SLC43A2: variants seen among roughly 807,000 people sequenced by gnomAD.
SLC43A2 encodes the protein solute carrier family 43 member 2.
SLC43A2 carries 38 observed loss-of-function variants against 63.2 expected under a neutral mutation model. That is an observed-to-expected ratio of 0.60 (90% CI 0.46 to 0.79). SLC43A2 has a LOEUF of 0.79. SLC43A2 is among the 30% of genes least tolerant of loss of function. The pLI is 0.00. For missense variants in SLC43A2, 644 were observed against 756.2 expected, an observed-to-expected ratio of 0.85 and a Z score of 1.74; for synonymous variants, 322 against 331.0, an observed-to-expected ratio of 0.97 and a Z score of 0.30.
chr17:1,626,239 G>A (rs1435634832), intron 2 of SLC43A2, among the ~76,000 whole-genome samples: 5 of 150,324 alleles, frequency 3.3e-5, no homozygotes. Flanking sequence ...AAGCAGGAAG[G>A]GTCACGATCT....
rs1301657164 is a variant in SLC43A2, at chr17:1,575,365, C to CG, written c.*238dup. 13 of 564,090 alleles carry CG rather than the reference C, an allele frequency of 2.3e-5. No homozygotes were observed. Among genetic ancestry groups the CG allele is most frequent in the Non-Finnish European group, 3.1e-5 (10 of 322,626 alleles). 34.9% of individuals were successfully genotyped at this position (564,090 alleles called of 1,614,324 possible). A position where few individuals can be genotyped will look rare whatever the true frequency, so the allele number is the denominator to read the frequency against. On this transcript the variant is annotated 3_prime_UTR_variant, in exon 14 of 14. Transcript: ENST00000301335. ...ACAGAGACCCCAGGCCCCGGGTCCC[C>CG]GGGGGGCGGCAGAGCAAAGTCAGGG... is the stretch of plus-strand genomic sequence containing the variant.
At position 1,605,902 on chromosome 17, in the gene SLC43A2, C is replaced by T. The variant is rs1906569504; in HGVS notation, c.501+7293G>A. ...TCCCCTCCCCCGGCCACCTCCTGTG[C>T]CTTCCCGGCCGGGTCCAGTCCTGCC... On this transcript the variant is annotated intron_variant, in intron 5 of 13. Transcript: ENST00000301335. The surrounding 1 kb of genome is among the most constrained non-coding windows in gnomAD (Gnocchi z 4.9). Among the ~76,000 whole-genome samples, 1 of 152,160 alleles carries T rather than the reference C, an allele frequency of 6.6e-6. No individual in the cohort carries two copies. Among genetic ancestry groups the T allele is most frequent in the Non-Finnish European group, 1.5e-5 (1 of 68,008 alleles).
At chr17:1,596,865 G>A (rs1036397114) in intron 5 of SLC43A2, among the ~76,000 whole-genome samples, 51 of 152,310 alleles carry the variant, frequency 3.3e-4, no homozygotes, top group African/African-American at 1.2e-3. Context: ...ATTAATCATA[G>A]TGAAATTCAA....
Position 1,616,739 on chromosome 17 carries a change from G to A in SLC43A2, c.191C>T (p.Thr64Ile). Residue 64 changes from threonine to isoleucine, a missense_variant, in exon 3 of 14, where the codon ACA becomes ATA. Coordinates refer to ENST00000301335, the MANE Select transcript of SLC43A2 (RefSeq NM_152346.3). ...ENVTNGTVGG[T>I]AEPGHEEVSW... The stretch of plus-strand genomic sequence containing the variant: ...CACCTCCTCGTGCCCCGGCTCTGCT[G>A]TGCCGCCCACTGTGCCATTGGTGAC... 6.2e-7 allele frequency: 1 copy of A among 1,614,022 alleles called. No homozygotes were observed. The highest frequency in any genetic ancestry group is 2.2e-5 in the East Asian group (1 of 44,876).
At chr17:1,615,168 C>T (rs544492857) in intron 3 of SLC43A2, 134 bp from the exon 4 acceptor site, 91 of 1,014,654 alleles carry the variant, frequency 9.0e-5, no homozygotes, top group African/African-American at 7.5e-4. Context: ...AGTGCAGTGG[C>T]GCGATCTCGG....
chr17:1,617,996 C>T (rs1907831568), intron 2 of SLC43A2, among the ~76,000 whole-genome samples: 1 of 152,246 alleles, frequency 6.6e-6, no homozygotes, highest in African/African-American at 2.4e-5. Flanking sequence ...GACATGAGGT[C>T]ACGCTGGGAG....
chr17:1,595,722 G>A (rs1905229663), intron 5 of SLC43A2, among the ~76,000 whole-genome samples: 1 of 151,942 alleles, frequency 6.6e-6, no homozygotes, highest in Non-Finnish European at 1.5e-5. Context: ...TGGGATTACA[G>A]GCATCAGCCA....
intron 13 of SLC43A2, 79 bp downstream of exon 13, chr17:1,576,518 C>A: frequency 6.7e-7 from 1 of 1,500,542 alleles, no homozygotes; most frequent in Non-Finnish European, 8.9e-7. Context: ...GCCCTGAAGC[C>A]CCCGAGGGGG....
chr17:1,591,974 G>A (rs577354447), intron 6 of SLC43A2, among the ~76,000 whole-genome samples: 1 of 152,324 alleles, frequency 6.6e-6, no homozygotes, highest in African/African-American at 2.4e-5. Context: ...ACCACGGCAC[G>A]TCTTGCAGGC....
At chr17:1,600,153 T>TATATATA (rs1491178977) in intron 5 of SLC43A2, among the ~76,000 whole-genome samples, 470 of 38,152 alleles carry the variant, frequency 0.012, 5 homozygotes, top group South Asian at 0.037. Context: ...TATATATATA[T>TATATATA]TTTTTTTTTT....
In SLC43A2 at chr17:1,593,186, C is replaced by A. The variant is rs781148305; in HGVS notation, c.594+1G>T. Reference sequence around the variant, plus strand: ...CACCAGTGCAAAATACACGTGCTCACCTTGATTCCTGGAAAGGTGACTGCC... The same window carrying A: ...CACCAGTGCAAAATACACGTGCTCAACTTGATTCCTGGAAAGGTGACTGCC... On this transcript the variant is annotated splice_donor_variant, in intron 6 of 13. Coordinates refer to ENST00000301335, the MANE Select transcript of SLC43A2 (RefSeq NM_152346.3). LOFTEE classifies it high-confidence loss of function. This position sits in a 1 kb window ranked among gnomAD's most constrained non-coding sequence, Gnocchi z 5.3. 1 of 1,613,448 alleles carries A rather than the reference C, an allele frequency of 6.2e-7. No homozygotes were observed. The highest frequency in any genetic ancestry group is 1.1e-5 in the South Asian group (1 of 90,904).
In SLC43A2 at chr17:1,573,270, G is replaced by A. The variant is rs1374999067; in HGVS notation, c.*2334C>T. The A allele has an allele frequency of 6.6e-6, 1 of 152,070 alleles. No homozygotes were observed. Among genetic ancestry groups the A allele is most frequent in the African/African-American group, 2.4e-5 (1 of 41,378 alleles). The allele number at this position is 152,070 out of a possible 1,614,324, so 9.4% of individuals were successfully genotyped here. A position where few individuals can be genotyped will look rare whatever the true frequency, so the allele number is the denominator to read the frequency against. ...TCCGAATCTGCAACTCCTGTGTGATGGCGGGTCTCAAATGCTGGCAGCAGA... is the reference window on the plus strand; with the variant it reads ...TCCGAATCTGCAACTCCTGTGTGATAGCGGGTCTCAAATGCTGGCAGCAGA... On this transcript the variant is annotated 3_prime_UTR_variant, in exon 14 of 14. Transcript: ENST00000301335.
At chr17:1,609,681 C>T (rs1906921362) in intron 5 of SLC43A2, among the ~76,000 whole-genome samples, 1 of 151,968 alleles carries the variant, frequency 6.6e-6, no homozygotes, top group Admixed American at 6.6e-5. Context: ...TAGTTGGAAA[C>T]AGGTTGAATA....
intron 10 of SLC43A2, chr17:1,585,583 T>G: frequency 1.0e-6 from 1 of 977,724 alleles, no homozygotes; most frequent in Non-Finnish European, 1.4e-6. Context: ...GAGTGGGGGC[T>G]GGCCATGTTT....
chr17:1,583,516 C>T lies in SLC43A2; in HGVS notation c.1218-180G>A. 1 of 1,044,868 alleles carries T rather than the reference C, an allele frequency of 9.6e-7. No homozygotes were observed. The highest frequency in any genetic ancestry group is 1.3e-6 in the Non-Finnish European group (1 of 750,682). The allele number at this position is 1,044,868 out of a possible 1,614,324, so 64.7% of individuals were successfully genotyped here. A position where few individuals can be genotyped will look rare whatever the true frequency, so the allele number is the denominator to read the frequency against. On this transcript the variant is annotated intron_variant, in intron 10 of 13. Coordinates refer to ENST00000301335, the MANE Select transcript of SLC43A2 (RefSeq NM_152346.3). The surrounding 1 kb of genome is among the most constrained non-coding windows in gnomAD (Gnocchi z 5.5). ...GCACTACGGACACTCCCCGGCCCTT[C>T]TCAGTGGCAAGCTGAGTGTGACTCT...
At chr17:1,590,163 A>G (rs899855092) in intron 9 of SLC43A2, among the ~76,000 whole-genome samples, 1 of 152,214 alleles carries the variant, frequency 6.6e-6, no homozygotes, top group Admixed American at 6.6e-5. Flanking sequence ...GACTCAGCTC[A>G]GGCCCCGGGG....
rs367809460 is a variant in SLC43A2, at chr17:1,571,197, G to A, written c.*4407C>T. 7.2e-5 allele frequency: 11 copies of A among 152,340 alleles called. No individual in the cohort carries two copies. In the East Asian group the frequency reaches 1.9e-3, roughly 27 times the overall value. 9.4% of individuals were successfully genotyped at this position (152,340 alleles called of 1,614,324 possible). A position where few individuals can be genotyped will look rare whatever the true frequency, so the allele number is the denominator to read the frequency against. ...AGCTCTGTCCTCACCCAGGGATTGG[G>A]GTGAGTCAGGGCATGGGGAAACAGG... is the stretch of plus-strand genomic sequence containing the variant. On this transcript the variant is annotated 3_prime_UTR_variant, in exon 14 of 14. Transcript: ENST00000301335. The surrounding 1 kb of genome is among the most constrained non-coding windows in gnomAD (Gnocchi z 5.2).
Position 1,591,445 on chromosome 17 carries a change from C to A in SLC43A2, c.755G>T (p.Gly252Val). The A allele has an allele frequency of 6.2e-7, 1 of 1,613,250 alleles. No individual in the cohort carries two copies. The highest frequency in any genetic ancestry group is 8.5e-7 in the Non-Finnish European group (1 of 1,179,930). ...CTTCCCTGTGATCTTGTGGTCAAAG[C>A]CCAGCCAGCTGAACTTGATCTTCAC... The part of the protein sequence containing the change: ...YSVKIKFSWL[G>V]FDHKITGKQF... The change falls in exon 8 of 14, where the codon GGC (glycine) becomes GTC (valine). Residue 252 changes from glycine to valine, a missense_variant. Physicochemically the swap from Gly to Val is moderately radical, Grantham distance 109. This residue lies in a region of SLC43A2 where 528 missense variants were observed against 623.6 expected (regional missense o/e 0.85). Transcript: ENST00000301335.
intron 3 of SLC43A2, 24 bp from the exon 4 acceptor site, chr17:1,615,058 G>A (rs1907470553): frequency 6.2e-7 from 1 of 1,613,548 alleles, no homozygotes; most frequent in Admixed American, 1.7e-5. Flanking sequence ...GAAACGCAAT[G>A]TTATTTACCA....
Sources: gnomAD v4.1 joint callset for allele counts (sites outside exome capture counted in the v4.1 genomes callset) on GRCh38, gnomAD v4.1.1 for gene constraint, gnomAD v4.1.1 regional missense constraint, Gnocchi (gnomAD v3.1) non-coding constraint, MANE v1.5 for transcripts, NCBI Gene and HGNC (gene_info 2026-07-23, HGNC 2026-07-21) for gene names.